The following CDKAL1 variants were observed in gnomAD, a reference collection of about 807,000 sequenced individuals.
CDKAL1 encodes the protein CDKAL1 threonylcarbamoyladenosine tRNA methylthiotransferase.
A neutral mutation model predicts 68.2 loss-of-function variants in CDKAL1; 32 were observed. The observed-to-expected ratio is 0.47, with a 90% CI of 0.35 to 0.63. The LOEUF is 0.63. CDKAL1 is among the 30% of genes least tolerant of loss of function. The probability of loss-of-function intolerance (pLI) is 0.00; values close to 1 mark genes in which losing one functional copy is unlikely to be tolerated. For missense variants in CDKAL1, 606 were observed against 696.7 expected (o/e 0.87, Z 1.47); for synonymous variants, 234 against 244.3 (o/e 0.96, Z 0.39).
intron 10 of CDKAL1, among the ~76,000 whole-genome samples, chr6:20,998,815 T>C (rs1283664554): frequency 2.0e-5 from 3 of 152,178 alleles, no homozygotes; most frequent in Non-Finnish European, 4.4e-5. Context: ...ATAAAGGATA[T>C]CTATGAGTAA....
At chr6:20,608,361 T>A (rs1016772852) in intron 4 of CDKAL1, among the ~76,000 whole-genome samples, 1 of 152,204 alleles carries the variant, frequency 6.6e-6, no homozygotes, top group African/African-American at 2.4e-5. Flanking sequence ...AATCTACTAC[T>A]TTTTAGTACT....
chr6:20,858,140 T>A (rs1421601463), intron 9 of CDKAL1, among the ~76,000 whole-genome samples: 2 of 152,204 alleles, frequency 1.3e-5, no homozygotes, highest in East Asian at 3.8e-4. Context: ...ATTACAGGCG[T>A]GAGCTACTGT....
At chr6:21,099,682 T>C (rs1446358480) in intron 12 of CDKAL1, among the ~76,000 whole-genome samples, 1 of 152,254 alleles carries the variant, frequency 6.6e-6, no homozygotes, top group African/African-American at 2.4e-5. Flanking sequence ...CGTGTTCTTA[T>C]GGGCTACTTT....
chr6:20,625,629 G>A (rs963985634), intron 4 of CDKAL1, among the ~76,000 whole-genome samples: 4 of 152,056 alleles, frequency 2.6e-5, no homozygotes, highest in Non-Finnish European at 5.9e-5. Context: ...GCTCAAATGT[G>A]TTCTGTGTAC....
At chr6:21,075,603 G>A (rs948410197) in intron 12 of CDKAL1, among the ~76,000 whole-genome samples, 35 of 151,860 alleles carry the variant, frequency 2.3e-4, no homozygotes, top group Non-Finnish European at 4.1e-4. Context: ...ATATATAAGC[G>A]ATTTAATAAT....
At chr6:21,152,083 T>C (rs752937966) in intron 13 of CDKAL1, among the ~76,000 whole-genome samples, 7 of 152,256 alleles carry the variant, frequency 4.6e-5, no homozygotes, top group Non-Finnish European at 7.3e-5. Flanking sequence ...GAGACATCTG[T>C]GGCGTTTTTG....
chr6:20,607,242 G>A (rs1292267319), intron 4 of CDKAL1, among the ~76,000 whole-genome samples: 1 of 152,204 alleles, frequency 6.6e-6, no homozygotes, highest in Non-Finnish European at 1.5e-5. Flanking sequence ...CCTAGGTGTT[G>A]TGTTTTCCCC....
At chr6:20,753,349 CA>C (rs60627436) in intron 6 of CDKAL1, among the ~76,000 whole-genome samples, 135,261 of 152,232 alleles carry the variant, frequency 0.89, 60,196 homozygotes, top group Middle Eastern at 0.93. Context: ...CACCACGTAA[CA>C]AACTTTAATC....
At chr6:20,864,752 A>G (rs986515791) in intron 9 of CDKAL1, among the ~76,000 whole-genome samples, 1 of 152,200 alleles carries the variant, frequency 6.6e-6, no homozygotes, top group South Asian at 2.1e-4. Flanking sequence ...TTTATGATGT[A>G]GTCAACCACT....
intron 11 of CDKAL1, among the ~76,000 whole-genome samples, chr6:21,031,283 G>T (rs1181901122): frequency 6.6e-6 from 1 of 151,538 alleles, no homozygotes; most frequent in Non-Finnish European, 1.5e-5. Context: ...ATGGGTGTCT[G>T]CTTTCTTCGA....
chr6:20,828,426 GC>G (rs1347603296), intron 8 of CDKAL1, among the ~76,000 whole-genome samples: 2 of 151,790 alleles, frequency 1.3e-5, no homozygotes, highest in Non-Finnish European at 2.9e-5. Context: ...ACAGGGTTTT[GC>G]CATGTTGGCC....
chr6:20,688,923 T>C (rs1015584593), intron 5 of CDKAL1, among the ~76,000 whole-genome samples: 1 of 152,230 alleles, frequency 6.6e-6, no homozygotes, highest in African/African-American at 2.4e-5. Flanking sequence ...AATCCACTGA[T>C]TAGGTCTCAG....
At chr6:20,796,205 A>G (rs1173144001) in intron 8 of CDKAL1, among the ~76,000 whole-genome samples, 1 of 152,238 alleles carries the variant, frequency 6.6e-6, no homozygotes, top group Non-Finnish European at 1.5e-5. Flanking sequence ...CTTTCTGTAT[A>G]CCAGCAATGT....
intron 5 of CDKAL1, among the ~76,000 whole-genome samples, chr6:20,738,796 A>G (rs1773314986): frequency 6.6e-6 from 1 of 152,134 alleles, no homozygotes; most frequent in South Asian, 2.1e-4. Flanking sequence ...ACTGCACCCA[A>G]TTACTTAGAA....
Position 20,768,789 on chromosome 6 carries a change from G to T in CDKAL1, c.517+10146G>T, listed in dbSNP as rs540455582. Among the ~76,000 whole-genome samples the T allele has an allele frequency of 5.3e-5, 8 of 152,194 alleles. No homozygotes were observed. In the South Asian group the frequency reaches 1.7e-3, roughly 32 times the overall value. ...GTCTTGGTAACTTGGTTTGCCGAGA[G>T]AAAAAGTGATTTGAGGGGATTTAAT... is the stretch of plus-strand genomic sequence containing the variant. On this transcript the variant is annotated intron_variant, in intron 7 of 15. Transcript: ENST00000274695.
At chr6:20,659,171 TAGA>T (rs944671386) in intron 5 of CDKAL1, among the ~76,000 whole-genome samples, 1 of 152,112 alleles carries the variant, frequency 6.6e-6, no homozygotes, top group African/African-American at 2.4e-5. Context: ...ATTTTGTCAT[TAGA>T]AGGTAAAAAA....
chr6:20,642,801 A>T (rs1395128833), intron 4 of CDKAL1, among the ~76,000 whole-genome samples: 2 of 152,070 alleles, frequency 1.3e-5, no homozygotes, highest in African/African-American at 4.8e-5. Context: ...CATAAAAATG[A>T]CATGTGTACA....
At chr6:20,584,259 TCA>T (rs568454487) in intron 4 of CDKAL1, among the ~76,000 whole-genome samples, 70 of 152,254 alleles carry the variant, frequency 4.6e-4, no homozygotes, top group Non-Finnish European at 8.8e-4. Context: ...GGAGGGAGTC[TCA>T]CACAGGAGTC....
chr6:20,722,554 C>T, intron 5 of CDKAL1: 1 of 315,196 alleles, frequency 3.2e-6, no homozygotes, highest in Admixed American at 3.5e-5. Context: ...TTACCCTGGG[C>T]ACACATAGAA....
Sources: allele counts gnomAD v4.1 joint callset (sites outside exome capture counted in the v4.1 genomes callset), GRCh38; gene constraint gnomAD v4.1.1; transcripts MANE v1.5; gene names NCBI Gene and HGNC (gene_info 2026-07-23, HGNC 2026-07-21).